UNC13C: variants seen among roughly 807,000 people sequenced by gnomAD.
UNC13C encodes protein unc-13 homolog C.
A neutral mutation model predicts 245.4 loss-of-function variants in UNC13C; 174 were observed. The ratio of observed to expected loss-of-function variants is 0.71; its 90% CI spans 0.63 to 0.80. The LOEUF (loss-of-function observed/expected upper bound fraction) is 0.80, where lower values mean the gene tolerates loss of function less well. UNC13C is among the 30% of genes least tolerant of loss of function. UNC13C has a pLI of 0.00. For missense variants in UNC13C, 2,829 were observed against 2,602.9 expected (o/e 1.09, Z -1.89); for synonymous variants, 992 against 895.1 (o/e 1.11, Z -1.93).
At chr15:54,418,328 C>T (rs2040563619) in intron 19 of UNC13C, among the ~76,000 whole-genome samples, 1 of 152,142 alleles carries the variant, frequency 6.6e-6, no homozygotes, top group South Asian at 2.1e-4. Flanking sequence ...AGCTGTCAGA[C>T]TGTCTAATAC....
the UNC13C span, chr15:53,947,619 C>T: frequency 9.9e-5 from 15 of 152,240 alleles, no homozygotes; most frequent in African/African-American, 2.6e-4. Flanking sequence ...TTTGTTATGA[C>T]TCTTGAGCTC....
At chr15:54,177,351 A>G (rs1456859988) in intron 4 of UNC13C, among the ~76,000 whole-genome samples, 2 of 152,134 alleles carry the variant, frequency 1.3e-5, no homozygotes, top group African/African-American at 2.4e-5. Flanking sequence ...ACAAGTTAAG[A>G]CTATTTTTTA....
intron 4 of UNC13C, among the ~76,000 whole-genome samples, chr15:54,163,398 A>G (rs1356280563): frequency 6.6e-6 from 1 of 152,216 alleles, no homozygotes; most frequent in Non-Finnish European, 1.5e-5. Flanking sequence ...GAATTGTAAG[A>G]TGGTAAACTT....
chr15:54,077,496 A>G (rs1379713709), intron 2 of UNC13C, among the ~76,000 whole-genome samples: 1 of 144,326 alleles, frequency 6.9e-6, no homozygotes, highest in African/African-American at 2.6e-5. Flanking sequence ...CTCCTGCCTC[A>G]GCCTCCCGAG....
At chr15:53,988,998 A>T (rs1038127130) in intron 1 of UNC13C, among the ~76,000 whole-genome samples, 2 of 151,924 alleles carry the variant, frequency 1.3e-5, no homozygotes, top group African/African-American at 4.8e-5. Context: ...TTCCCCTTGA[A>T]TATATCTTTC....
intron 4 of UNC13C, among the ~76,000 whole-genome samples, chr15:54,169,916 G>A (rs1393589026): frequency 6.6e-6 from 1 of 151,192 alleles, no homozygotes; most frequent in Non-Finnish European, 1.5e-5. Context: ...TATCTTTTAT[G>A]TGATAATGCA....
At chr15:54,147,806 G>GTGTGTGTGTGTGTGTGTGTA (rs1453477687) in intron 4 of UNC13C, among the ~76,000 whole-genome samples, 1 of 151,916 alleles carries the variant, frequency 6.6e-6, no homozygotes, top group African/African-American at 2.4e-5. Context: ...GTGTGTGTGT[G>GTGTGTGTGTGTGTGTGTGTA]TGTGTATGTG....
intron 4 of UNC13C, among the ~76,000 whole-genome samples, chr15:54,188,022 T>C (rs1005497702): frequency 6.6e-6 from 1 of 152,128 alleles, no homozygotes; most frequent in African/African-American, 2.4e-5. Context: ...TTCATCATGT[T>C]GGTGAGGCTG....
chr15:54,047,502 A>C (rs932211019), intron 2 of UNC13C, among the ~76,000 whole-genome samples: 4 of 152,110 alleles, frequency 2.6e-5, no homozygotes, highest in Non-Finnish European at 5.9e-5. Flanking sequence ...AAGTGGTATC[A>C]TAATTGATCT....
chr15:54,138,953 ATTT>A (rs56255946), intron 2 of UNC13C, among the ~76,000 whole-genome samples: 13 of 48,642 alleles, frequency 2.7e-4, no homozygotes, highest in South Asian at 1.4e-3. Flanking sequence ...ATTTCCCCTA[ATTT>A]TTTTTTTTTT....
rs73405605 is a variant in UNC13C at position 54,131,914 on chromosome 15, C to A, written c.2984-11104C>A. Among the ~76,000 whole-genome samples, 429 of 152,208 alleles carry A rather than the reference C, an allele frequency of 2.8e-3. 5 individuals carry two copies. The highest frequency in any genetic ancestry group is 9.9e-3 in the African/African-American group (410 of 41,538). On this transcript the variant is annotated intron_variant, in intron 2 of 32. Coordinates refer to ENST00000260323, the MANE Select transcript of UNC13C (RefSeq NM_001080534.3). ...TGCCAGGAATACCTTCACACATCAA[C>A]AAAACCCACTCCTCTCCCGAATGAG...
rs1057250607 is a variant in UNC13C, at chr15:54,124,528, A to G, written c.2984-18490A>G. 2.6e-5 allele frequency among the ~76,000 whole-genome samples: 4 copies of G among 152,230 alleles called. No individual in the cohort carries two copies. The South Asian group carries it at 8.3e-4, about 32-fold the overall frequency. On this transcript the variant is annotated intron_variant, in intron 2 of 32. Coordinates refer to ENST00000260323, the MANE Select transcript of UNC13C (RefSeq NM_001080534.3). ...AGAGAATTCTTTACATATTACAGAAACTAGTCCTTTGGTGGATTTGTGATT... is the reference window on the plus strand; with the variant it reads ...AGAGAATTCTTTACATATTACAGAAGCTAGTCCTTTGGTGGATTTGTGATT...
At chr15:54,392,183 A>G (rs2039972550) in intron 17 of UNC13C, among the ~76,000 whole-genome samples, 1 of 152,096 alleles carries the variant, frequency 6.6e-6, no homozygotes, top group Non-Finnish European at 1.5e-5. Context: ...GAAGTGCTCT[A>G]AGAGGAACAC....
intron 2 of UNC13C, among the ~76,000 whole-genome samples, chr15:54,035,485 TAGGAACTCATTTTCTCCA>T (rs1896539952): frequency 6.6e-6 from 1 of 152,200 alleles, no homozygotes; most frequent in African/African-American, 2.4e-5. Context: ...ACAAACTTCA[TAGGAACTCATTTTCTCCA>T]ACTGAGAGAT....
intron 9 of UNC13C, among the ~76,000 whole-genome samples, 185 bp from the exon 10 acceptor site, chr15:54,265,170 G>A (rs1031827641): frequency 9.2e-5 from 14 of 151,956 alleles, no homozygotes; most frequent in Non-Finnish European, 2.1e-4. Context: ...AAAAATTACA[G>A]ATTTTAATGT....
At chr15:54,344,626 T>A (rs371862680) in intron 17 of UNC13C, among the ~76,000 whole-genome samples, 5 of 152,300 alleles carry the variant, frequency 3.3e-5, no homozygotes, top group African/African-American at 9.6e-5. Flanking sequence ...TCTCGAGCCC[T>A]TTTGAAGCCA....
At chr15:54,364,367 G>A (rs1337986089) in intron 17 of UNC13C, among the ~76,000 whole-genome samples, 2 of 152,036 alleles carry the variant, frequency 1.3e-5, no homozygotes, top group Non-Finnish European at 1.5e-5. Context: ...TTATTTATAA[G>A]TATTTACACT....
At chr15:54,453,208 C>A (rs1334996161) in intron 19 of UNC13C, among the ~76,000 whole-genome samples, 2 of 152,112 alleles carry the variant, frequency 1.3e-5, no homozygotes, top group Non-Finnish European at 2.9e-5. Flanking sequence ...TTGGAGGGGT[C>A]CATGGTGGGA....
At chr15:54,590,467 G>T (rs772413642) in intron 30 of UNC13C, among the ~76,000 whole-genome samples, 1 of 152,072 alleles carries the variant, frequency 6.6e-6, no homozygotes, top group Non-Finnish European at 1.5e-5. Flanking sequence ...TTCTTTCACC[G>T]GTGTTAAGTA....
Sources: gnomAD v4.1 joint callset for allele counts (sites outside exome capture counted in the v4.1 genomes callset) on GRCh38, gnomAD v4.1.1 for gene constraint, MANE v1.5 for transcripts, NCBI Gene and HGNC (gene_info 2026-07-23, HGNC 2026-07-21) for gene names.